Variants in SPRED1 observed in about 807,000 individuals in gnomAD.
The protein encoded by SPRED1 is sprouty related EVH1 domain containing 1.
SPRED1 carries 18 observed loss-of-function variants against 52.3 expected under a neutral mutation model. The ratio of observed to expected loss-of-function variants is 0.34; its 90% CI spans 0.24 to 0.51. SPRED1 has a LOEUF of 0.51. Ranked by LOEUF, SPRED1 falls within the 20% of genes least tolerant of loss-of-function variation. SPRED1 has a pLI of 0.97. For missense variants in SPRED1, 485 were observed against 551.0 expected (o/e 0.88, Z 1.20); for synonymous variants, 155 against 179.7 (o/e 0.86, Z 1.10).
chr15:38,289,105 T>C (rs74007145), intron 1 of SPRED1, among the ~76,000 whole-genome samples: 1 of 152,144 alleles, frequency 6.6e-6, no homozygotes. Context: ...ATGGAATTTT[T>C]CGCTAAAACA....
intron 4 of SPRED1, among the ~76,000 whole-genome samples, chr15:38,337,189 G>A (rs1246738179): frequency 6.6e-6 from 1 of 152,076 alleles, no homozygotes; most frequent in South Asian, 2.1e-4. Flanking sequence ...GAGTATGCCT[G>A]TTTTCCTTAT....
intron 4 of SPRED1, among the ~76,000 whole-genome samples, chr15:38,331,933 G>T (rs929191167): frequency 3.9e-4 from 60 of 152,062 alleles, no homozygotes; most frequent in African/African-American, 1.4e-3. Context: ...ACATTACAAT[G>T]CATATAACAA....
intron 2 of SPRED1, among the ~76,000 whole-genome samples, chr15:38,304,804 A>G (rs910221003): frequency 2.0e-5 from 3 of 151,824 alleles, no homozygotes; most frequent in Admixed American, 6.6e-5. Flanking sequence ...CTGCTCTTCA[A>G]TTTCATGTCT....
chr15:38,281,319 G>T (rs1894683006), intron 1 of SPRED1, among the ~76,000 whole-genome samples: 1 of 152,120 alleles, frequency 6.6e-6, no homozygotes, highest in Non-Finnish European at 1.5e-5. Flanking sequence ...ATGCATCTTT[G>T]CAAAAGGAGT....
chr15:38,321,687 G>A (rs986148158), intron 2 of SPRED1, among the ~76,000 whole-genome samples: 3 of 152,106 alleles, frequency 2.0e-5, no homozygotes, highest in Non-Finnish European at 4.4e-5. Flanking sequence ...TCCACCTCCT[G>A]GGCTCAGACG....
At chr15:38,254,422 T>G (rs2140944361) in intron 1 of SPRED1, among the ~76,000 whole-genome samples, 1 of 151,914 alleles carries the variant, frequency 6.6e-6, no homozygotes, top group African/African-American at 2.4e-5. Context: ...ATTGCTGCAG[T>G]GTCAGTGCAG....
chr15:38,277,316 G>A (rs2140961464), intron 1 of SPRED1, among the ~76,000 whole-genome samples: 1 of 152,110 alleles, frequency 6.6e-6, no homozygotes, highest in Non-Finnish European at 1.5e-5. Flanking sequence ...CCTTCTTTGT[G>A]TCCATGTGTA....
chr15:38,254,781 G>A (rs7175472), intron 1 of SPRED1, among the ~76,000 whole-genome samples: 1 of 152,178 alleles, frequency 6.6e-6, no homozygotes, highest in Admixed American at 6.5e-5. Context: ...TGTCCATTCA[G>A]AGTGCAGTAC....
intron 1 of SPRED1, among the ~76,000 whole-genome samples, chr15:38,278,021 T>C (rs1215325932): frequency 7.6e-6 from 1 of 131,626 alleles, no homozygotes; most frequent in Non-Finnish European, 1.7e-5. Context: ...GCAAGTAATA[T>C]AGGATTAATT....
intron 1 of SPRED1, among the ~76,000 whole-genome samples, chr15:38,296,347 C>T (rs1008236557): frequency 6.6e-6 from 1 of 152,152 alleles, no homozygotes; most frequent in African/African-American, 2.4e-5. Context: ...AATCAAATTA[C>T]AAATTTTGCC....
chr15:38,268,027 A>G (rs1894347898), intron 1 of SPRED1: 1 of 152,234 alleles, frequency 6.6e-6, no homozygotes, highest in African/African-American at 2.4e-5. Context: ...CAGTGTTCAC[A>G]TAACTCTGAG....
intron 1 of SPRED1, among the ~76,000 whole-genome samples, chr15:38,280,995 T>C (rs1894675853): frequency 6.6e-6 from 1 of 152,232 alleles, no homozygotes; most frequent in South Asian, 2.1e-4. Flanking sequence ...ATTTAGAAAC[T>C]ACATTAAATG....
At chr15:38,338,009 T>C (rs1257538964) in intron 4 of SPRED1, among the ~76,000 whole-genome samples, 1 of 138,278 alleles carries the variant, frequency 7.2e-6, no homozygotes, top group Non-Finnish European at 1.5e-5. Context: ...GAGACCAGCC[T>C]GGCCAACATA....
chr15:38,283,277 A>G (rs1404639217), intron 1 of SPRED1, among the ~76,000 whole-genome samples: 1 of 152,190 alleles, frequency 6.6e-6, no homozygotes, highest in Non-Finnish European at 1.5e-5. Flanking sequence ...CACTATCACA[A>G]GAACAGCTTG....
At chr15:38,280,214 G>A (rs920055750) in intron 1 of SPRED1, among the ~76,000 whole-genome samples, 1 of 152,142 alleles carries the variant, frequency 6.6e-6, no homozygotes, top group African/African-American at 2.4e-5. Flanking sequence ...TAAAGTGTAG[G>A]TAATATAAGT....
At chr15:38,344,206 A>G (rs1896084104) in intron 5 of SPRED1, among the ~76,000 whole-genome samples, 1 of 152,164 alleles carries the variant, frequency 6.6e-6, no homozygotes, top group South Asian at 2.1e-4. Context: ...ACTCATCTCA[A>G]CATAGGAGAG....
rs1308574853 is a variant in SPRED1 at position 38,355,482 on chromosome 15, G to A, written c.*3818G>A. 1 of 152,148 alleles carries A rather than the reference G, an allele frequency of 6.6e-6. No individual in the cohort carries two copies. The highest frequency in any genetic ancestry group is 1.5e-5 in the Non-Finnish European group (1 of 68,060). 9.4% of individuals were successfully genotyped at this position (152,148 alleles called of 1,614,324 possible). Reference sequence around the variant, plus strand: ...CCCCTTAATTAAATGGCACGGAAATGTTTCTTAATATGCACGTGAGTCTCC... The same window carrying A: ...CCCCTTAATTAAATGGCACGGAAATATTTCTTAATATGCACGTGAGTCTCC... On this transcript the variant is annotated 3_prime_UTR_variant, in exon 7 of 7. Coordinates refer to ENST00000299084, the MANE Select transcript of SPRED1 (RefSeq NM_152594.3).
intron 4 of SPRED1, among the ~76,000 whole-genome samples, chr15:38,338,804 G>C (rs1250483308): frequency 6.6e-6 from 1 of 151,918 alleles, no homozygotes; most frequent in Non-Finnish European, 1.5e-5. Context: ...TCTAGAACTT[G>C]CATTTATAAA....
intron 1 of SPRED1, among the ~76,000 whole-genome samples, chr15:38,273,590 G>A (rs912532259): frequency 6.8e-6 from 1 of 146,184 alleles, no homozygotes; most frequent in Non-Finnish European, 1.5e-5. Flanking sequence ...AGGATGTGTA[G>A]GACTTTAGTG....
Sources: gnomAD v4.1 joint callset for allele counts (sites outside exome capture counted in the v4.1 genomes callset) on GRCh38, gnomAD v4.1.1 for gene constraint, MANE v1.5 for transcripts, NCBI Gene and HGNC (gene_info 2026-07-23, HGNC 2026-07-21) for gene names.